The following PIK3C2G variants were observed in gnomAD, a reference collection of about 807,000 sequenced individuals.
PIK3C2G encodes phosphatidylinositol-4-phosphate 3-kinase catalytic subunit type 2 gamma.
A neutral mutation model predicts 181.1 loss-of-function variants in PIK3C2G; 168 were observed. The observed-to-expected ratio is 0.93, with a 90% CI of 0.82 to 1.05. The LOEUF (loss-of-function observed/expected upper bound fraction) is 1.05. PIK3C2G is among the 50% of genes least tolerant of loss of function. The pLI, the probability that PIK3C2G is intolerant of heterozygous loss-of-function variation, is 0.00. For synonymous variants in PIK3C2G, 573 were observed against 592.2 expected (o/e 0.97, Z 0.47); for missense variants, 1,869 against 1,732.8 (o/e 1.08, Z -1.40).
At chr12:18,319,049 C>T (rs889485930) in intron 6 of PIK3C2G, among the ~76,000 whole-genome samples, 1 of 151,928 alleles carries the variant, frequency 6.6e-6, no homozygotes. Context: ...CACACCATGG[C>T]ACTCCAGCCT....
intron 16 of PIK3C2G, among the ~76,000 whole-genome samples, chr12:18,402,794 A>G (rs1830498183): frequency 6.6e-6 from 1 of 152,174 alleles, no homozygotes. Flanking sequence ...TTCTTTATCT[A>G]AACAGATCTT....
intron 29 of PIK3C2G, among the ~76,000 whole-genome samples, chr12:18,579,034 A>G (rs907131286): frequency 7.9e-5 from 12 of 152,098 alleles, no homozygotes; most frequent in African/African-American, 2.7e-4. Context: ...AATTTTAGTT[A>G]CGTGATATAT....
intron 16 of PIK3C2G, among the ~76,000 whole-genome samples, chr12:18,408,703 C>CA (rs1236945453): frequency 1.3e-5 from 2 of 151,864 alleles, no homozygotes; most frequent in African/African-American, 4.8e-5. Context: ...AGAACTTAAA[C>CA]AAATTTAAAG....
At chr12:18,531,578 T>A (rs530618772) in intron 24 of PIK3C2G, among the ~76,000 whole-genome samples, 16 of 152,282 alleles carry the variant, frequency 1.1e-4, no homozygotes, top group African/African-American at 3.8e-4. Flanking sequence ...ACTAATCTGT[T>A]CTCAATTCCT....
At chr12:18,469,395 G>A (rs1938232920) in intron 18 of PIK3C2G, among the ~76,000 whole-genome samples, 1 of 152,060 alleles carries the variant, frequency 6.6e-6, no homozygotes, top group African/African-American at 2.4e-5. Flanking sequence ...GGGGGAAAAT[G>A]TTTTCTTGGA....
intron 29 of PIK3C2G, among the ~76,000 whole-genome samples, chr12:18,587,069 T>C (rs1338336039): frequency 1.3e-5 from 2 of 151,926 alleles, no homozygotes; most frequent in African/African-American, 4.8e-5. Context: ...AAATAATAGA[T>C]GCCATCTATA....
the PIK3C2G span, among the ~76,000 whole-genome samples, chr12:18,687,415 C>T: frequency 6.6e-6 from 1 of 152,120 alleles, no homozygotes; most frequent in African/African-American, 2.4e-5. Flanking sequence ...CCAATGTCTC[C>T]TTCAAGGTGA....
At chr12:18,692,392 T>C in the PIK3C2G span, among the ~76,000 whole-genome samples, 2 of 152,178 alleles carry the variant, frequency 1.3e-5, no homozygotes, top group Non-Finnish European at 2.9e-5. Context: ...TCAAAAGATT[T>C]AATGACATTT....
chr12:18,392,199 G>A (rs1194464154), intron 15 of PIK3C2G, among the ~76,000 whole-genome samples: 1 of 152,074 alleles, frequency 6.6e-6, no homozygotes, highest in Non-Finnish European at 1.5e-5. Flanking sequence ...ATAACTTGAT[G>A]ATTAATTAGA....
At chr12:18,663,350 T>G in the PIK3C2G span, among the ~76,000 whole-genome samples, 1 of 152,134 alleles carries the variant, frequency 6.6e-6, no homozygotes, top group Admixed American at 6.6e-5. Flanking sequence ...ACTGTTAGAA[T>G]TAATTAATTT....
chr12:18,391,405 G>T (rs577652448), intron 15 of PIK3C2G, among the ~76,000 whole-genome samples, 153 bp downstream of exon 15: 1 of 152,112 alleles, frequency 6.6e-6, no homozygotes, highest in Non-Finnish European at 1.5e-5. Flanking sequence ...GTTAATTAAT[G>T]TTTAGGACGT....
the PIK3C2G span, among the ~76,000 whole-genome samples, chr12:18,716,719 C>G: frequency 6.6e-6 from 1 of 152,114 alleles, no homozygotes; most frequent in Non-Finnish European, 1.5e-5. Context: ...ATCTATTTAT[C>G]TTTAAATTTC....
chr12:18,441,437 A>G (rs1328391181), intron 18 of PIK3C2G, among the ~76,000 whole-genome samples: 1 of 152,126 alleles, frequency 6.6e-6, no homozygotes, highest in African/African-American at 2.4e-5. Context: ...TTTTAAATAT[A>G]CTGGTGGGAA....
chr12:18,296,105 T>C (rs1159271187), intron 5 of PIK3C2G, among the ~76,000 whole-genome samples: 1 of 152,106 alleles, frequency 6.6e-6, no homozygotes. Flanking sequence ...AAATAGATCA[T>C]GAAACATATG....
chr12:18,406,529 G>T (rs1944540661), intron 16 of PIK3C2G, among the ~76,000 whole-genome samples: 2 of 152,148 alleles, frequency 1.3e-5, no homozygotes, highest in African/African-American at 4.8e-5. Context: ...GATAGCTAAA[G>T]TTGGAAGTGG....
intron 11 of PIK3C2G, among the ~76,000 whole-genome samples, chr12:18,350,487 G>T (rs982727829): frequency 1.1e-4 from 16 of 152,126 alleles, no homozygotes; most frequent in Admixed American, 3.9e-4. Flanking sequence ...GGGGCAAGTT[G>T]AAATTCTTTC....
At chr12:18,710,674 C>T in the PIK3C2G span, among the ~76,000 whole-genome samples, 124 of 152,026 alleles carry the variant, frequency 8.2e-4, no homozygotes, top group Non-Finnish European at 9.6e-4. Flanking sequence ...TGGTTGACTA[C>T]GACAGTGACA....
the PIK3C2G span, among the ~76,000 whole-genome samples, chr12:18,694,379 A>G: frequency 2.6e-5 from 4 of 152,200 alleles, no homozygotes; most frequent in Non-Finnish European, 5.9e-5. Flanking sequence ...TAAAGTTGAC[A>G]CAAATTAACA....
At chr12:18,370,841 C>T (rs1307776586) in intron 12 of PIK3C2G, among the ~76,000 whole-genome samples, 2 of 152,112 alleles carry the variant, frequency 1.3e-5, no homozygotes, top group South Asian at 4.1e-4. Flanking sequence ...TGAGTTATTT[C>T]CTGCCTCCTC....
Sources: gnomAD v4.1 joint callset for allele counts (sites outside exome capture counted in the v4.1 genomes callset) on GRCh38, gnomAD v4.1.1 for gene constraint, MANE v1.5 for transcripts, NCBI Gene and HGNC (gene_info 2026-07-23, HGNC 2026-07-21) for gene names.